Variants in EDIL3 observed in about 807,000 individuals in gnomAD.
EDIL3 encodes EGF like and discoidin domains 3, also known as EGF-like repeat and discoidin I-like domain-containing protein 3.
A neutral mutation model predicts 67.4 loss-of-function variants in EDIL3; 37 were observed. The observed-to-expected ratio is 0.55, with a 90% CI of 0.42 to 0.72. The LOEUF (loss-of-function observed/expected upper bound fraction) is 0.72, where lower values mean the gene tolerates loss of function less well. EDIL3 is among the 30% of genes least tolerant of loss of function. The probability of loss-of-function intolerance (pLI) is 0.00; values close to 1 mark genes in which losing one functional copy is unlikely to be tolerated. For missense variants in EDIL3, 527 were observed against 586.3 expected (o/e 0.90, Z 1.04); for synonymous variants, 195 against 196.3 (o/e 0.99, Z 0.05).
intron 4 of EDIL3, among the ~76,000 whole-genome samples, chr5:84,166,915 G>C (rs1233345921): frequency 6.6e-6 from 1 of 152,154 alleles, no homozygotes; most frequent in Admixed American, 6.6e-5. Context: ...GCAGAGAACT[G>C]TGTGGCCAAA....
Position 83,943,329 on chromosome 5 carries a change from C to CCATTCAGT in EDIL3, c.*82_*89dup, listed in dbSNP as rs1744258071. 5.7e-6 allele frequency: 7 copies of CCATTCAGT among 1,237,932 alleles called. No individual in the cohort carries two copies. Among genetic ancestry groups the CCATTCAGT allele is most frequent in the African/African-American group, 1.6e-5 (1 of 62,592 alleles). The allele number at this position is 1,237,932 out of a possible 1,614,324, so 76.7% of individuals were successfully genotyped here. A position where few individuals can be genotyped will look rare whatever the true frequency, so the allele number is the denominator to read the frequency against. On this transcript the variant is annotated 3_prime_UTR_variant, in exon 11 of 11. Transcript: ENST00000296591. The stretch of plus-strand genomic sequence containing the variant: ...CTTTTTCATGAAAAAAAAAAAAAAA[C>CCATTCAGT]CATTCAGTTTCCTACAGATTTTGCA...
chr5:84,011,693 G>C lies in EDIL3; in HGVS notation c.1138-48333C>G, dbSNP rs7705077. 8.0e-3 allele frequency among the ~76,000 whole-genome samples: 1,224 copies of C among 152,178 alleles called. 18 individuals carry two copies. The highest frequency in any genetic ancestry group is 0.028 in the African/African-American group (1,172 of 41,526). The stretch of plus-strand genomic sequence containing the variant: ...TTCTCGCACTGCTCTGGTCACAGTG[G>C]TCTTCTTTTTCTCTAATACACTAAG... On this transcript the variant is annotated intron_variant, in intron 9 of 10. Coordinates refer to ENST00000296591, the MANE Select transcript of EDIL3 (RefSeq NM_005711.5).
intron 1 of EDIL3, among the ~76,000 whole-genome samples, chr5:84,382,500 G>T (rs1283025607): frequency 6.6e-6 from 1 of 152,184 alleles, no homozygotes; most frequent in African/African-American, 2.4e-5. Flanking sequence ...TCGGAGCGGG[G>T]ACGTACGGTG....
At chr5:84,349,435 C>A (rs1747311020) in intron 1 of EDIL3, among the ~76,000 whole-genome samples, 1 of 152,148 alleles carries the variant, frequency 6.6e-6, no homozygotes, top group Non-Finnish European at 1.5e-5. Context: ...ATCCACTTAA[C>A]CATCTGCTGA....
chr5:84,272,536 T>A (rs1304802832), intron 1 of EDIL3, among the ~76,000 whole-genome samples: 1 of 152,154 alleles, frequency 6.6e-6, no homozygotes, highest in Non-Finnish European at 1.5e-5. Context: ...GGTATATATA[T>A]GCACATATAT....
intron 9 of EDIL3, among the ~76,000 whole-genome samples, chr5:84,018,281 C>T (rs1227864456): frequency 6.6e-5 from 10 of 152,148 alleles, no homozygotes; most frequent in African/African-American, 2.4e-4. Context: ...ACTTTTGTCT[C>T]AGCATAGTAA....
chr5:84,008,676 A>G (rs1745467489), intron 9 of EDIL3, among the ~76,000 whole-genome samples: 1 of 152,216 alleles, frequency 6.6e-6, no homozygotes, highest in African/African-American at 2.4e-5. Context: ...CCTTGCTAAA[A>G]GCAGTTTCAC....
At chr5:84,185,678 T>C (rs1663668333) in intron 3 of EDIL3, among the ~76,000 whole-genome samples, 1 of 152,166 alleles carries the variant, frequency 6.6e-6, no homozygotes, top group Non-Finnish European at 1.5e-5. Context: ...TTCTGGAACC[T>C]TTCTACACCT....
At chr5:84,231,930 C>T (rs1744588446) in intron 2 of EDIL3, among the ~76,000 whole-genome samples, 1 of 152,076 alleles carries the variant, frequency 6.6e-6, no homozygotes, top group Admixed American at 6.5e-5. Flanking sequence ...TGTGTATGAA[C>T]TCATTTAATT....
At chr5:84,344,552 C>T (rs2112181309) in intron 1 of EDIL3, among the ~76,000 whole-genome samples, 1 of 151,948 alleles carries the variant, frequency 6.6e-6, no homozygotes, top group Non-Finnish European at 1.5e-5. Context: ...TAAATACAAA[C>T]AAAGTATTTG....
intron 9 of EDIL3, among the ~76,000 whole-genome samples, chr5:83,980,907 A>C (rs1296350521): frequency 6.6e-6 from 1 of 151,884 alleles, no homozygotes; most frequent in Non-Finnish European, 1.5e-5. Flanking sequence ...CACTAAAAAG[A>C]ATAAAATATG....
intron 1 of EDIL3, among the ~76,000 whole-genome samples, chr5:84,357,638 C>T (rs1221840654): frequency 6.6e-6 from 1 of 152,090 alleles, no homozygotes; most frequent in Admixed American, 6.6e-5. Flanking sequence ...CCTGTAATCC[C>T]AGCACGTGGG....
At chr5:84,291,597 C>T (rs2112118613) in intron 1 of EDIL3, among the ~76,000 whole-genome samples, 1 of 150,312 alleles carries the variant, frequency 6.7e-6, no homozygotes, top group African/African-American at 2.4e-5. Flanking sequence ...TGACTAACCA[C>T]CAGGAAGTGA....
intron 1 of EDIL3, among the ~76,000 whole-genome samples, chr5:84,354,450 A>C: frequency 6.6e-6 from 1 of 152,268 alleles, no homozygotes; most frequent in South Asian, 2.1e-4. Context: ...TGAGGTCAGG[A>C]GTTCGAGACC....
In EDIL3 at chr5:83,973,212, A is replaced by C. The variant is rs144212094; in HGVS notation, c.1138-9852T>G. On this transcript the variant is annotated intron_variant, in intron 9 of 10. Transcript: ENST00000296591. ...CTGGGGACTTTGACTTATTACATGA[A>C]TAAAAAATTCAGGGTGGTGGTTAAT... Among the ~76,000 whole-genome samples the C allele has an allele frequency of 1.4e-3, 211 of 152,158 alleles. 2 individuals carry two copies. Among genetic ancestry groups the C allele is most frequent in the African/African-American group, 4.6e-3 (193 of 41,542 alleles).
chr5:84,261,986 T>C (rs1023101830), intron 1 of EDIL3, among the ~76,000 whole-genome samples: 2 of 152,206 alleles, frequency 1.3e-5, no homozygotes, highest in African/African-American at 4.8e-5. Flanking sequence ...ACATAAGGCT[T>C]CAATCAAGGT....
intron 1 of EDIL3, among the ~76,000 whole-genome samples, chr5:84,372,402 A>ATGT (rs1191042698): frequency 1.3e-5 from 2 of 152,164 alleles, no homozygotes; most frequent in Non-Finnish European, 2.9e-5. Context: ...CCTGGTAATA[A>ATGT]TGTTAATTGT....
At chr5:84,224,022 G>A (rs1039550292) in intron 3 of EDIL3, among the ~76,000 whole-genome samples, 4 of 150,848 alleles carry the variant, frequency 2.7e-5, no homozygotes, top group African/African-American at 7.3e-5. Flanking sequence ...TCCACTTGTA[G>A]TATTAAAAAA....
chr5:83,949,402 T>C (rs2112115266), intron 10 of EDIL3, among the ~76,000 whole-genome samples: 1 of 151,962 alleles, frequency 6.6e-6, no homozygotes, highest in South Asian at 2.1e-4. Context: ...AAGTTACATG[T>C]CCCAGTTTGT....
Sources: gnomAD v4.1 joint callset for allele counts (sites outside exome capture counted in the v4.1 genomes callset) on GRCh38, gnomAD v4.1.1 for gene constraint, MANE v1.5 for transcripts, NCBI Gene and HGNC (gene_info 2026-07-23, HGNC 2026-07-21) for gene names.